Variants in GSK3B observed in about 807,000 individuals in gnomAD.
The protein encoded by GSK3B is glycogen synthase kinase 3 beta.
Under a neutral mutation model 56.4 loss-of-function variants are expected in GSK3B, and 15 were observed. That is an observed-to-expected ratio of 0.27 (90% CI 0.18 to 0.41). The LOEUF (loss-of-function observed/expected upper bound fraction) is 0.41, where lower values mean the gene tolerates loss of function less well. Ranked by LOEUF, GSK3B falls within the 10% of genes least tolerant of loss-of-function variation. The pLI, the probability that GSK3B is intolerant of heterozygous loss-of-function variation, is 1.00. For synonymous variants in GSK3B, 181 were observed against 188.9 expected, an observed-to-expected ratio of 0.96 and a Z score of 0.34; for missense variants, 300 against 513.4, an observed-to-expected ratio of 0.58 and a Z score of 4.02.
chr3:120,078,453 A>G (rs1342578377), intron 1 of GSK3B, among the ~76,000 whole-genome samples: 1 of 152,102 alleles, frequency 6.6e-6, no homozygotes. Context: ...AAGTCATGAC[A>G]AATACGACAA....
chr3:120,093,496 G>T lies in GSK3B; in HGVS notation c.-62C>A. ...CTCCTTTTCTTCCTTTTGTCTTTAT[G>T]TTGGGGTGTTAGGTTAACGATAAAT... On this transcript the variant is annotated 5_prime_UTR_variant, in exon 1 of 11. Coordinates refer to ENST00000264235, the MANE Select transcript of GSK3B (RefSeq NM_001146156.2). 9.2e-7 allele frequency: 1 copy of T among 1,084,106 alleles called. No homozygotes were observed. The highest frequency in any genetic ancestry group is 1.4e-6 in the Non-Finnish European group (1 of 700,036). 67.2% of individuals were successfully genotyped at this position (1,084,106 alleles called of 1,614,324 possible).
chr3:119,949,405 A>G (rs1054905903), intron 2 of GSK3B, among the ~76,000 whole-genome samples: 1 of 152,218 alleles, frequency 6.6e-6, no homozygotes, highest in Admixed American at 6.5e-5. Flanking sequence ...CCATGTGAAG[A>G]TCTGAGGAAA....
chr3:119,842,410 A>C (rs1034618495), intron 10 of GSK3B, among the ~76,000 whole-genome samples: 1 of 152,198 alleles, frequency 6.6e-6, no homozygotes, highest in African/African-American at 2.4e-5. Flanking sequence ...CAAATGATTA[A>C]AAAAATGATT....
chr3:119,873,482 A>G (rs1364452039), intron 8 of GSK3B, among the ~76,000 whole-genome samples: 1 of 151,756 alleles, frequency 6.6e-6, no homozygotes, highest in African/African-American at 2.4e-5. Flanking sequence ...CTGTTTCCAG[A>G]CTCCTGTTTA....
intron 9 of GSK3B, among the ~76,000 whole-genome samples, chr3:119,856,764 G>C (rs935388105): frequency 6.6e-6 from 1 of 151,864 alleles, no homozygotes; most frequent in Non-Finnish European, 1.5e-5. Flanking sequence ...CAATTCTATT[G>C]ATGTGTCCTA....
chr3:120,026,227 A>G (rs1337136662), intron 1 of GSK3B, among the ~76,000 whole-genome samples: 1 of 152,194 alleles, frequency 6.6e-6, no homozygotes, highest in Non-Finnish European at 1.5e-5. Context: ...AAAAGTCTTA[A>G]AACTTTCCCC....
chr3:119,872,973 G>C (rs2056267178), intron 8 of GSK3B, among the ~76,000 whole-genome samples: 1 of 151,970 alleles, frequency 6.6e-6, no homozygotes, highest in African/African-American at 2.4e-5. Context: ...ATCTACTATT[G>C]CATCACTTCC....
intron 1 of GSK3B, among the ~76,000 whole-genome samples, chr3:120,086,363 A>G (rs2058463292): frequency 6.6e-6 from 1 of 152,206 alleles, no homozygotes; most frequent in Admixed American, 6.5e-5. Context: ...AAATCCAACT[A>G]GAAGATGGTG....
chr3:120,042,106 C>T (rs1046098518), intron 1 of GSK3B, among the ~76,000 whole-genome samples: 1 of 152,136 alleles, frequency 6.6e-6, no homozygotes, highest in Non-Finnish European at 1.5e-5. Flanking sequence ...TTGTCTATGT[C>T]CCCAGACACC....
At chr3:119,938,102 C>T (rs2057013565) in intron 3 of GSK3B, among the ~76,000 whole-genome samples, 1 of 151,878 alleles carries the variant, frequency 6.6e-6, no homozygotes, top group African/African-American at 2.4e-5. Flanking sequence ...AACATACACA[C>T]AAGTAGAGAT....
intron 1 of GSK3B, among the ~76,000 whole-genome samples, chr3:120,021,114 A>T (rs539251692): frequency 2.1e-4 from 32 of 152,346 alleles, no homozygotes; most frequent in South Asian, 6.2e-4. Flanking sequence ...GTAAAGCAGT[A>T]AGTGCTGATT....
intron 1 of GSK3B, among the ~76,000 whole-genome samples, chr3:120,074,351 A>C (rs1004099359): frequency 7.2e-6 from 1 of 138,156 alleles, no homozygotes; most frequent in Non-Finnish European, 1.5e-5. Flanking sequence ...GTCATGAGAA[A>C]CTTTTTTTTT....
At chr3:119,997,594 A>G (rs2057632492) in intron 2 of GSK3B, among the ~76,000 whole-genome samples, 2 of 152,194 alleles carry the variant, frequency 1.3e-5, no homozygotes, top group Non-Finnish European at 2.9e-5. Flanking sequence ...AATCAAATCT[A>G]AAGTTTGTTT....
intron 10 of GSK3B, among the ~76,000 whole-genome samples, chr3:119,827,608 A>AG (rs56254723): frequency 6.3e-5 from 6 of 94,620 alleles, no homozygotes; most frequent in African/African-American, 7.9e-5. Context: ...AAAAAAAAAA[A>AG]AGAGAGAGAG....
At position 119,826,776 on chromosome 3, in the gene GSK3B, GC is replaced by G; in HGVS notation, c.*11del. 6.3e-7 allele frequency: 1 copy of G among 1,593,650 alleles called. No homozygotes were observed. The highest frequency in any genetic ancestry group is 8.6e-7 in the Non-Finnish European group (1 of 1,161,272). ...GGTGGTTTTTCCTGTGCAGCTGGCT[GC>G]TCGGGACTGTTCAGGTGGAGTTGGA... On this transcript the variant is annotated 3_prime_UTR_variant, in exon 11 of 11. Coordinates refer to ENST00000264235, the MANE Select transcript of GSK3B (RefSeq NM_001146156.2).
At chr3:120,077,395 T>C (rs893269343) in intron 1 of GSK3B, among the ~76,000 whole-genome samples, 6 of 152,074 alleles carry the variant, frequency 3.9e-5, no homozygotes, top group African/African-American at 1.2e-4. Context: ...GAAAAAAATA[T>C]ATATCATGAT....
At chr3:119,967,554 T>A (rs1261905244) in intron 2 of GSK3B, among the ~76,000 whole-genome samples, 1 of 152,172 alleles carries the variant, frequency 6.6e-6, no homozygotes, top group African/African-American at 2.4e-5. Context: ...TAAGGACATA[T>A]GTTATCAATC....
chr3:120,084,813 T>C (rs967997680), intron 1 of GSK3B, among the ~76,000 whole-genome samples: 5 of 152,262 alleles, frequency 3.3e-5, no homozygotes, highest in Non-Finnish European at 7.3e-5. Context: ...TTTGCACTTA[T>C]TCTCCAACTA....
chr3:119,895,490 A>G (rs2056552498), intron 7 of GSK3B, among the ~76,000 whole-genome samples: 1 of 152,012 alleles, frequency 6.6e-6, no homozygotes, highest in African/African-American at 2.4e-5. Context: ...TTTTTGAGGA[A>G]CCTCCATATA....
Sources: allele counts gnomAD v4.1 joint callset (sites outside exome capture counted in the v4.1 genomes callset), GRCh38; gene constraint gnomAD v4.1.1; transcripts MANE v1.5; gene names NCBI Gene and HGNC (gene_info 2026-07-23, HGNC 2026-07-21).